Variants in SLC22A24 observed in about 807,000 individuals in gnomAD.
SLC22A24 encodes steroid transmembrane transporter SLC22A24.
SLC22A24 carries 53 observed loss-of-function variants against 49.8 expected under a neutral mutation model. The ratio of observed to expected loss-of-function variants is 1.06; its 90% CI spans 0.85 to 1.34. The LOEUF (loss-of-function observed/expected upper bound fraction) is 1.34, where lower values mean the gene tolerates loss of function less well. Ranked by LOEUF, SLC22A24 falls within the 40% of genes most tolerant of loss-of-function variation. The pLI is 0.00. For synonymous variants in SLC22A24, 302 were observed against 256.4 expected, an observed-to-expected ratio of 1.18 and a Z score of -1.70; for missense variants, 786 against 675.9, an observed-to-expected ratio of 1.16 and a Z score of -1.81.
At chr11:63,106,434 T>C (rs1395903676) in intron 4 of SLC22A24, among the ~76,000 whole-genome samples, 1 of 152,194 alleles carries the variant, frequency 6.6e-6, no homozygotes, top group Non-Finnish European at 1.5e-5. Flanking sequence ...TTATAATCCT[T>C]TGGGTACATA....
intron 6 of SLC22A24, among the ~76,000 whole-genome samples, chr11:63,092,758 A>G (rs2087028760): frequency 6.6e-6 from 1 of 151,834 alleles, no homozygotes; most frequent in Admixed American, 6.6e-5. Context: ...AAAGCTAGGC[A>G]GTGCCATTCA....
At chr11:63,096,195 A>G (rs1412180529) in intron 5 of SLC22A24, 89 bp from the exon 6 acceptor site, 1 of 796,452 alleles carries the variant, frequency 1.3e-6, no homozygotes, top group African/African-American at 1.7e-5. Flanking sequence ...AGATAGACAT[A>G]TTGTAAACTA....
At chr11:63,107,770 C>A (rs11231357) in intron 4 of SLC22A24, among the ~76,000 whole-genome samples, 108,128 of 151,968 alleles carry the variant, frequency 0.71, 40,084 homozygotes, top group East Asian at 0.9. Flanking sequence ...TTGTGATTTT[C>A]GCACACTGAT....
chr11:63,098,213 C>A (rs566691889), intron 5 of SLC22A24, among the ~76,000 whole-genome samples: 40 of 152,130 alleles, frequency 2.6e-4, no homozygotes, highest in African/African-American at 9.2e-4. Context: ...ACAATATGTT[C>A]CTGAATGACC....
intron 1 of SLC22A24, among the ~76,000 whole-genome samples, chr11:63,137,283 C>A (rs1471452557): frequency 6.6e-6 from 1 of 152,126 alleles, no homozygotes; most frequent in Non-Finnish European, 1.5e-5. Flanking sequence ...TCTTGAAGTT[C>A]TTGGCTAGGG....
chr11:63,095,001 CA>C (rs1398183792), intron 6 of SLC22A24, among the ~76,000 whole-genome samples: 2 of 152,084 alleles, frequency 1.3e-5, no homozygotes, highest in Non-Finnish European at 2.9e-5. Context: ...TCCCATTTGT[CA>C]ATTTTGGCTT....
Position 63,081,140 on chromosome 11 carries a change from CA to C in SLC22A24, c.1395-18del, listed in dbSNP as rs2086957607. The C allele has an allele frequency of 1.3e-6, 2 of 1,545,656 alleles. No homozygotes were observed. Among genetic ancestry groups the C allele is most frequent in the Non-Finnish European group, 8.8e-7 (1 of 1,141,960 alleles). On this transcript the variant is annotated intron_variant, in intron 8 of 9. Transcript: ENST00000612278. ...ACTGTTGACCTTAGAGTGCAAATAACAATACAAAAAATCTTGTATGAATCTG... is the reference window on the plus strand; with the variant it reads ...ACTGTTGACCTTAGAGTGCAAATAACATACAAAAAATCTTGTATGAATCTG...
At chr11:63,083,614 T>C (rs925126159) in intron 6 of SLC22A24, among the ~76,000 whole-genome samples, 157 bp from the exon 7 acceptor site, 1 of 152,240 alleles carries the variant, frequency 6.6e-6, no homozygotes, top group African/African-American at 2.4e-5. Context: ...TTCTGTTTTA[T>C]AGACTATTTC....
chr11:63,128,775 C>T (rs1048663681), intron 2 of SLC22A24, among the ~76,000 whole-genome samples: 4 of 152,182 alleles, frequency 2.6e-5, no homozygotes, highest in Non-Finnish European at 4.4e-5. Flanking sequence ...ACATTCCTTA[C>T]CCTGCCCCCT....
At position 63,104,187 on chromosome 11, in the gene SLC22A24, T is replaced by C; in HGVS notation, c.942A>G (p.Thr314=). ...CTTTCCAGATCACCTCAGTGGTCAG[T>C]GTCTCTTCAGTATTCTTTTTTCCAT... is the stretch of plus-strand genomic sequence containing the variant. ...HINGKKNTEE[T]LTTELVRSTM... Residue 314 remains threonine (T), a synonymous_variant, in exon 5 of 10, where the codon ACA becomes ACG. Coordinates refer to ENST00000612278, the MANE Select transcript of SLC22A24 (RefSeq NM_001136506.2). The C allele has an allele frequency of 5.8e-6, 9 of 1,549,960 alleles. No individual in the cohort carries two copies. The highest frequency in any genetic ancestry group is 7.8e-6 in the Non-Finnish European group (9 of 1,146,862).
At chr11:63,084,398 C>T (rs557588618) in intron 6 of SLC22A24, among the ~76,000 whole-genome samples, 1 of 152,204 alleles carries the variant, frequency 6.6e-6, no homozygotes, top group East Asian at 1.9e-4. Flanking sequence ...TCATTTTAAT[C>T]CCTCTGTGGA....
chr11:63,119,134 T>A, intron 3 of SLC22A24, 47 bp downstream of exon 3: 1 of 1,526,546 alleles, frequency 6.6e-7, no homozygotes, highest in Non-Finnish European at 8.8e-7. Flanking sequence ...AATTTCAAGG[T>A]CAATTCAAGA....
At chr11:63,112,009 A>G (rs1345167718) in intron 4 of SLC22A24, among the ~76,000 whole-genome samples, 1 of 151,264 alleles carries the variant, frequency 6.6e-6, no homozygotes, top group Non-Finnish European at 1.5e-5. Flanking sequence ...TTCCCTCTAC[A>G]CACTGCTTTG....
chr11:63,096,066 C>T lies in SLC22A24; in HGVS notation c.995G>A (p.Arg332Gln), dbSNP rs371518525. Residue 332 changes from arginine to glutamine, a missense_variant, in exon 6 of 10, where the codon CGA becomes CAA. Physicochemically the swap from Arg to Gln is conservative, Grantham distance 43. Transcript: ENST00000612278. ...CAGGGAAAAAATGGATGTTTTAATT[C>T]GGACTGCATCCAACTCCTTCTTCAT... ...STMKKELDAV[R>Q]IKTSIFSLFR... 4 of 1,550,792 alleles carry T rather than the reference C, an allele frequency of 2.6e-6. No individual in the cohort carries two copies. The highest frequency in any genetic ancestry group is 1.7e-4 in the Middle Eastern group (1 of 5,988).
chr11:63,104,055 C>G (rs1202653354), intron 5 of SLC22A24, 120 bp downstream of exon 5: 5 of 942,870 alleles, frequency 5.3e-6, no homozygotes, highest in Admixed American at 2.7e-5. Context: ...TTTATCAGGA[C>G]AGAGATGTAA....
At chr11:63,132,544 A>G (rs191924832) in intron 2 of SLC22A24, among the ~76,000 whole-genome samples, 187 of 152,232 alleles carry the variant, frequency 1.2e-3, no homozygotes, top group African/African-American at 4.4e-3. Flanking sequence ...CAGGTCCTTC[A>G]GCTGCAGGTC....
chr11:63,143,654 T>G lies in SLC22A24; in HGVS notation c.126A>C (p.Ala42=). 1 of 1,599,436 alleles carries G rather than the reference T, an allele frequency of 6.3e-7. No homozygotes were observed. Among genetic ancestry groups the G allele is most frequent in the African/African-American group, 1.3e-5 (1 of 74,328 alleles). Residue 42 remains alanine (A), a synonymous_variant, in exon 1 of 10, where the codon GCA becomes GCC. Transcript: ENST00000612278. Reference sequence around the variant, plus strand: ...CCCAGCAGCGATGACTAGGGGTGAATGCAGTGAAGTTCTCCAACACAATAT... The same window carrying G: ...CCCAGCAGCGATGACTAGGGGTGAAGGCAGTGAAGTTCTCCAACACAATAT... ...FPNIVLENFT[A]FTPSHRCWVP...
intron 5 of SLC22A24, 73 bp from the exon 6 acceptor site, chr11:63,096,179 A>T: frequency 1.1e-6 from 1 of 926,724 alleles, no homozygotes; most frequent in Non-Finnish European, 1.7e-6. Context: ...TAAGTACTAG[A>T]GAACAAGATA....
At chr11:63,121,024 G>A (rs1225601250) in intron 2 of SLC22A24, among the ~76,000 whole-genome samples, 2 of 152,112 alleles carry the variant, frequency 1.3e-5, no homozygotes, top group East Asian at 3.8e-4. Flanking sequence ...ATAGGTATAT[G>A]TAGCACAGGA....
Sources: gnomAD v4.1 joint callset for allele counts (sites outside exome capture counted in the v4.1 genomes callset) on GRCh38, gnomAD v4.1.1 for gene constraint, MANE v1.5 for transcripts, NCBI Gene and HGNC (gene_info 2026-07-23, HGNC 2026-07-21) for gene names.